The following FRMPD4 variants were observed in gnomAD, a reference collection of about 807,000 sequenced individuals.
The protein encoded by FRMPD4 is FERM and PDZ domain-containing protein 4.
In FRMPD4, 22 loss-of-function variants were observed where a neutral mutation model predicts 94.1. The observed-to-expected ratio is 0.23, with a 90% confidence interval of 0.17 to 0.33. The LOEUF (loss-of-function observed/expected upper bound fraction) is 0.33, where lower values mean the gene tolerates loss of function less well. Ranked by LOEUF, FRMPD4 falls within the 10% of genes least tolerant of loss-of-function variation. The pLI is 1.00. For synonymous variants in FRMPD4, 631 were observed against 548.6 expected (o/e 1.15, Z -2.10); for missense variants, 1,111 against 1,339.9 (o/e 0.83, Z 2.67).
At position 12,416,803 on chromosome X, in the gene FRMPD4, T is replaced by C. The variant is rs751707831; in HGVS notation, c.42-81877T>C. Among the ~76,000 whole-genome samples the C allele has an allele frequency of 5.2e-4, 58 of 111,991 alleles. 1 individual carries two copies. Among genetic ancestry groups the C allele is most frequent in the Admixed American group, 1.6e-3 (17 of 10,629 alleles). On this transcript the variant is annotated intron_variant, in intron 1 of 16. Transcript: ENST00000675598. ...AAAAAATGCTTCCTCTGTGTCTTTG[T>C]CTGGTTGTACCTTTCCTTTAGCCAC... is the stretch of plus-strand genomic sequence containing the variant.
chrX:12,553,259 G>A (rs954897151), intron 2 of FRMPD4, among the ~76,000 whole-genome samples: 4 of 108,649 alleles, frequency 3.7e-5, no homozygotes, highest in South Asian at 4.1e-4. Flanking sequence ...TTTGCTCTAC[G>A]TTGCCTTTCA....
intron 3 of FRMPD4, among the ~76,000 whole-genome samples, chrX:12,067,527 C>T (rs1451948038): frequency 9.1e-6 from 1 of 110,425 alleles, no homozygotes; most frequent in Non-Finnish European, 1.9e-5. Context: ...ATGTGATTCT[C>T]CTGCCTCAGC....
chrX:12,701,955 T>C lies in FRMPD4; in HGVS notation c.1015T>C (p.Tyr339His). 8.3e-7 allele frequency: 1 copy of C among 1,210,092 alleles called. No homozygotes were observed. The highest frequency in any genetic ancestry group is 1.8e-5 in the South Asian group (1 of 57,033). ...IALRLAALQM[Y>H]IATVTTKQTQ... ...CCTGCGGCTGGCCGCATTACAAATGTACATTGCAACCGTTACCACCAAGCA... is the reference window on the plus strand; with the variant it reads ...CCTGCGGCTGGCCGCATTACAAATGCACATTGCAACCGTTACCACCAAGCA... Residue 339 changes from tyrosine to histidine, a missense_variant, in exon 10 of 17, where the codon TAC becomes CAC. This residue lies in a region of FRMPD4 where 111 missense variants were observed against 160.7 expected (regional missense o/e 0.69). Coordinates refer to ENST00000675598, the MANE Select transcript of FRMPD4 (RefSeq NM_001368397.1).
At chrX:11,908,525 G>A (rs946148570) in intron 3 of FRMPD4, among the ~76,000 whole-genome samples, 7 of 111,947 alleles carry the variant, frequency 6.3e-5, no homozygotes, top group African/African-American at 2.3e-4. Flanking sequence ...ACACTTGTGG[G>A]TTTTCACCCT....
intron 3 of FRMPD4, among the ~76,000 whole-genome samples, chrX:11,886,958 C>T (rs1457185539): frequency 9.0e-6 from 1 of 110,705 alleles, no homozygotes; most frequent in East Asian, 2.8e-4. Flanking sequence ...CCCCACCACT[C>T]TTCTGACTCA....
chrX:12,609,951 C>G lies in FRMPD4; in HGVS notation c.319+70C>G, dbSNP rs767670623. The G allele has an allele frequency of 2.8e-4, 279 of 992,941 alleles. 2 individuals carry two copies. The highest frequency in any genetic ancestry group is 1.8e-3 in the East Asian group (57 of 32,485). The allele number at this position is 992,941 out of a possible 1,213,427, so 81.8% of individuals were successfully genotyped here. ...ACACTCTGCCAGAATAACTACTGTT[C>G]AGTTTCATAAGTGTCCAGGCTGTGA... is the stretch of plus-strand genomic sequence containing the variant. On this transcript the variant is annotated intron_variant, in intron 3 of 16. Coordinates refer to ENST00000675598, the MANE Select transcript of FRMPD4 (RefSeq NM_001368397.1).
intron 2 of FRMPD4, among the ~76,000 whole-genome samples, chrX:12,578,092 A>G (rs1332907332): frequency 1.8e-5 from 2 of 112,343 alleles, no homozygotes; most frequent in East Asian, 5.6e-4. Context: ...AAGGGCACTA[A>G]TCTCATCATG....
intron 1 of FRMPD4, among the ~76,000 whole-genome samples, chrX:12,445,065 G>A (rs1351874395): frequency 8.9e-6 from 1 of 112,007 alleles, no homozygotes; most frequent in Non-Finnish European, 1.9e-5. Flanking sequence ...ACTTGGTTTA[G>A]CTGGCTCCAG....
chrX:12,252,108 GT>G (rs2054048844), intron 1 of FRMPD4, among the ~76,000 whole-genome samples: 12 of 112,221 alleles, frequency 1.1e-4, no homozygotes, highest in Non-Finnish European at 2.1e-4. Flanking sequence ...AAAAGGCCTT[GT>G]GAGATGGAGC....
intron 4 of FRMPD4, among the ~76,000 whole-genome samples, chrX:12,657,570 T>G (rs182471094): frequency 1.8e-3 from 198 of 111,612 alleles, no homozygotes; most frequent in African/African-American, 6.1e-3. Flanking sequence ...TAGAAATGAA[T>G]CAGTAAATCC....
intron 4 of FRMPD4, among the ~76,000 whole-genome samples, chrX:12,616,848 T>C (rs754885948): frequency 1.8e-5 from 2 of 111,986 alleles, no homozygotes; most frequent in Non-Finnish European, 3.8e-5. Context: ...TGTTTTCCCC[T>C]AGGTGCGCAC....
intron 1 of FRMPD4, among the ~76,000 whole-genome samples, chrX:12,429,397 C>T (rs1290068081): frequency 9.0e-6 from 1 of 111,522 alleles, no homozygotes; most frequent in Non-Finnish European, 1.9e-5. Context: ...CCTCTTGCCT[C>T]ACTCTTTCTC....
At chrX:12,710,624 A>T in intron 14 of FRMPD4, 87 bp downstream of exon 14, 1 of 916,249 alleles carries the variant, frequency 1.1e-6, no homozygotes, top group Non-Finnish European at 1.5e-6. Flanking sequence ...CTGAAAAGTT[A>T]AGGCCAGGCG....
chrX:12,166,600 T>A (rs1849699075), intron 1 of FRMPD4, among the ~76,000 whole-genome samples: 1 of 111,813 alleles, frequency 8.9e-6, no homozygotes, highest in Non-Finnish European at 1.9e-5. Context: ...CTTTTTCTAT[T>A]GATTGGAATA....
At chrX:12,581,083 G>A (rs1485281784) in intron 2 of FRMPD4, among the ~76,000 whole-genome samples, 1 of 112,639 alleles carries the variant, frequency 8.9e-6, no homozygotes. Context: ...CCACACGTGT[G>A]CAAGCAAGCT....
At chrX:12,128,154 T>A (rs1157058864) in intron 3 of FRMPD4, among the ~76,000 whole-genome samples, 1 of 113,175 alleles carries the variant, frequency 8.8e-6, no homozygotes, top group Non-Finnish European at 1.9e-5. Flanking sequence ...CAACCCCACA[T>A]TTCCCTTCCA....
chrX:11,864,096 T>G (rs1171511414), intron 1 of FRMPD4, among the ~76,000 whole-genome samples: 1 of 110,786 alleles, frequency 9.0e-6, no homozygotes, highest in African/African-American at 3.3e-5. Flanking sequence ...TTGCTGCAGG[T>G]GCTATTAGAA....
chrX:11,834,526 T>G (rs1423479030), intron 1 of FRMPD4, among the ~76,000 whole-genome samples: 1 of 111,785 alleles, frequency 8.9e-6, no homozygotes, highest in East Asian at 2.8e-4. Flanking sequence ...CCATGAAAAT[T>G]ATCTTGTATT....
At chrX:11,868,122 C>T (rs7885657) in intron 2 of FRMPD4, among the ~76,000 whole-genome samples, 6,897 of 112,070 alleles carry the variant, frequency 0.062, 516 homozygotes, top group African/African-American at 0.21. Context: ...CCACTATTCA[C>T]TTCCCTATCT....
Sources: gnomAD v4.1 joint callset for allele counts (sites outside exome capture counted in the v4.1 genomes callset) on GRCh38, gnomAD v4.1.1 for gene constraint, gnomAD v4.1.1 regional missense constraint, MANE v1.5 for transcripts, NCBI Gene and HGNC (gene_info 2026-07-23, HGNC 2026-07-21) for gene names.